The following PPP4R3A variants were observed in gnomAD, a reference collection of about 807,000 sequenced individuals.
The protein encoded by PPP4R3A is serine/threonine-protein phosphatase 4 regulatory subunit 3A.
PPP4R3A carries 15 observed loss-of-function variants against 91.7 expected under a neutral mutation model. The observed-to-expected ratio is 0.16, with a 90% CI of 0.11 to 0.25. The LOEUF (loss-of-function observed/expected upper bound fraction) is 0.25, where lower values mean the gene tolerates loss of function less well. Ranked by LOEUF, PPP4R3A falls within the 10% of genes least tolerant of loss-of-function variation. The pLI, the probability that PPP4R3A is intolerant of heterozygous loss-of-function variation, is 1.00. For synonymous variants in PPP4R3A, 377 were observed against 348.7 expected (o/e 1.08, Z -0.91); for missense variants, 623 against 998.4 (o/e 0.62, Z 5.07).
intron 11 of PPP4R3A, among the ~76,000 whole-genome samples, chr14:91,463,752 TTTTA>T (rs1888304425): frequency 6.6e-6 from 1 of 152,084 alleles, no homozygotes; most frequent in Non-Finnish European, 1.5e-5. Flanking sequence ...GACATATATG[TTTTA>T]TTAATTAATT....
intron 7 of PPP4R3A, chr14:91,475,259 T>C (rs1889118000): frequency 6.5e-6 from 1 of 152,968 alleles, no homozygotes; most frequent in Non-Finnish European, 1.5e-5. Context: ...TCACGCACTA[T>C]GTGATCCAGG....
At chr14:91,503,932 T>C (rs966479947) in intron 1 of PPP4R3A, among the ~76,000 whole-genome samples, 2 of 152,052 alleles carry the variant, frequency 1.3e-5, no homozygotes, top group African/African-American at 2.4e-5. Context: ...AATAAGGTAA[T>C]CTATCTTCCT....
chr14:91,460,054 C>A (rs1468704528), intron 14 of PPP4R3A, among the ~76,000 whole-genome samples: 1 of 151,912 alleles, frequency 6.6e-6, no homozygotes, highest in African/African-American at 2.4e-5. Flanking sequence ...CTCTGTCGCC[C>A]AGGCTGGAGT....
chr14:91,477,035 A>G (rs375643250), intron 4 of PPP4R3A, 49 bp from the exon 5 acceptor site: 46 of 1,412,666 alleles, frequency 3.3e-5, no homozygotes, highest in Non-Finnish European at 4.3e-5. Context: ...AGATTGTCCT[A>G]AAATATAATT....
chr14:91,495,086 T>A (rs900040672), intron 1 of PPP4R3A, among the ~76,000 whole-genome samples: 1 of 152,158 alleles, frequency 6.6e-6, no homozygotes, highest in African/African-American at 2.4e-5. Context: ...TCGGTATATA[T>A]CCAAGAGAAA....
At chr14:91,473,779 TTA>T (rs1207435154) in intron 7 of PPP4R3A, among the ~76,000 whole-genome samples, 8 of 152,242 alleles carry the variant, frequency 5.3e-5, no homozygotes, top group Non-Finnish European at 5.9e-5. Context: ...TATTTTTATT[TTA>T]TTTTTTTGAG....
chr14:91,470,979 G>T lies in PPP4R3A; in HGVS notation c.1518C>A (p.Ala506=). The T allele has an allele frequency of 1.9e-6, 3 of 1,594,146 alleles. No homozygotes were observed. Among genetic ancestry groups the T allele is most frequent in the Non-Finnish European group, 2.6e-6 (3 of 1,175,232 alleles). Residue 506 remains alanine (A), a synonymous_variant, in exon 10 of 15, where the codon GCC becomes GCA. Coordinates refer to ENST00000554943, the MANE Select transcript of PPP4R3A (RefSeq NM_001366432.2). The part of the protein sequence containing the change: ...DKPSKDDFQT[A]QLLALVLELL... The stretch of plus-strand genomic sequence containing the variant: ...ATTCCAATACAAGTGCCAATAGTTG[G>T]GCAGTCTGAAAATCATCTAAAAGAA...
intron 11 of PPP4R3A, among the ~76,000 whole-genome samples, chr14:91,464,306 G>T (rs1291612771): frequency 6.6e-6 from 1 of 151,964 alleles, no homozygotes; most frequent in South Asian, 2.1e-4. Flanking sequence ...GGGTGACAGA[G>T]TGAGACTCTG....
chr14:91,464,577 T>G (rs763313882), intron 11 of PPP4R3A, among the ~76,000 whole-genome samples: 17 of 152,038 alleles, frequency 1.1e-4, no homozygotes, highest in Non-Finnish European at 1.8e-4. Flanking sequence ...AGCAAAACCC[T>G]GTCTCTAAGA....
intron 14 of PPP4R3A, 99 bp from the exon 15 acceptor site, chr14:91,458,968 G>GTAAC: frequency 7.5e-7 from 1 of 1,331,670 alleles, no homozygotes; most frequent in East Asian, 2.5e-5. Context: ...TACCAACATA[G>GTAAC]TAACGGTGGT....
chr14:91,507,803 G>A (rs1891507006), intron 1 of PPP4R3A, among the ~76,000 whole-genome samples: 1 of 151,426 alleles, frequency 6.6e-6, no homozygotes, highest in African/African-American at 2.4e-5. Context: ...TTTTTAATAT[G>A]GATTTCAATA....
intron 2 of PPP4R3A, among the ~76,000 whole-genome samples, chr14:91,487,441 A>T (rs968848521): frequency 1.2e-4 from 19 of 152,052 alleles, no homozygotes; most frequent in Non-Finnish European, 1.8e-4. Flanking sequence ...CAAAATCTGA[A>T]GGGCTATGTC....
At chr14:91,505,083 G>T (rs1891203156) in intron 1 of PPP4R3A, among the ~76,000 whole-genome samples, 1 of 152,118 alleles carries the variant, frequency 6.6e-6, no homozygotes, top group Non-Finnish European at 1.5e-5. Flanking sequence ...GCCTGAATTT[G>T]AATCCCAACT....
chr14:91,485,602 G>T (rs1889832053), intron 3 of PPP4R3A, 30 bp downstream of exon 3: 1 of 1,480,734 alleles, frequency 6.8e-7, no homozygotes, highest in Non-Finnish European at 9.3e-7. Flanking sequence ...CTTAAAGAAA[G>T]CATGTTGATT....
chr14:91,473,483 G>A (rs1888975247), intron 7 of PPP4R3A, 113 bp from the exon 8 acceptor site: 3 of 1,130,666 alleles, frequency 2.7e-6, no homozygotes, highest in Non-Finnish European at 3.7e-6. Context: ...TTTGTTAACT[G>A]CAAAGTGAAA....
chr14:91,509,240 C>T (rs1311852689), intron 1 of PPP4R3A, among the ~76,000 whole-genome samples: 1 of 152,224 alleles, frequency 6.6e-6, no homozygotes, highest in Admixed American at 6.5e-5. Context: ...GACCTCTCCA[C>T]ACTCCAGGGC....
At chr14:91,484,714 G>A (rs1345516320) in intron 3 of PPP4R3A, among the ~76,000 whole-genome samples, 1 of 152,124 alleles carries the variant, frequency 6.6e-6, no homozygotes, top group African/African-American at 2.4e-5. Context: ...ATTTCTATCA[G>A]TTCCCAGGTC....
At position 91,481,836 on chromosome 14, in the gene PPP4R3A, C is replaced by G; in HGVS notation, c.655G>C (p.Asp219His). Residue 219 changes from aspartate (D) to histidine (H), a missense_variant, in exon 4 of 15, where the codon GAC (aspartate) becomes CAC (histidine). Physicochemically the swap from Asp to His is moderately conservative, Grantham distance 81. Transcript: ENST00000554943. ...TCATATTCTAAACATCCAATGACGTCCATTATACATTCTTCAGAGAACATA... is the reference window on the plus strand; with the variant it reads ...TCATATTCTAAACATCCAATGACGTGCATTATACATTCTTCAGAGAACATA... ...EVMFSEECIM[D>H]VIGCLEYDPA... The G allele has an allele frequency of 6.2e-7, 1 of 1,614,102 alleles. No individual in the cohort carries two copies. Among genetic ancestry groups the G allele is most frequent in the Non-Finnish European group, 8.5e-7 (1 of 1,180,030 alleles).
chr14:91,470,214 G>A (rs1292165541), intron 10 of PPP4R3A, among the ~76,000 whole-genome samples: 1 of 152,138 alleles, frequency 6.6e-6, no homozygotes, highest in Non-Finnish European at 1.5e-5. Context: ...TGAGATGTCT[G>A]GCTGCTGCTT....
Sources: allele counts gnomAD v4.1 joint callset (sites outside exome capture counted in the v4.1 genomes callset), GRCh38; gene constraint gnomAD v4.1.1; transcripts MANE v1.5; gene names NCBI Gene and HGNC (gene_info 2026-07-23, HGNC 2026-07-21).